TASP1: variants seen among roughly 807,000 people sequenced by gnomAD.
The protein encoded by TASP1 is threonine aspartase 1.
TASP1 carries 16 observed loss-of-function variants against 56.6 expected under a neutral mutation model. That is an observed-to-expected ratio of 0.28 (90% confidence interval 0.19 to 0.43). The LOEUF (loss-of-function observed/expected upper bound fraction) is 0.43, where lower values mean the gene tolerates loss of function less well. Ranked by LOEUF, TASP1 falls within the 20% of genes least tolerant of loss-of-function variation. The pLI is 1.00. For missense variants in TASP1, 393 were observed against 511.6 expected (o/e 0.77, Z 2.24); for synonymous variants, 179 against 184.2 (o/e 0.97, Z 0.23).
At chr20:13,316,220 A>G in the TASP1 span, among the ~76,000 whole-genome samples, 20 of 151,990 alleles carry the variant, frequency 1.3e-4, no homozygotes, top group African/African-American at 4.8e-4. Flanking sequence ...CTGGAAAAAC[A>G]CAATCTGCCA....
At chr20:13,558,728 A>C (rs1340333876) in intron 8 of TASP1, among the ~76,000 whole-genome samples, 1 of 152,116 alleles carries the variant, frequency 6.6e-6, no homozygotes, top group Non-Finnish European at 1.5e-5. Context: ...ATAGCTCATT[A>C]ATAATTTTTC....
chr20:13,472,767 A>T (rs1012575041), intron 11 of TASP1, among the ~76,000 whole-genome samples: 2 of 151,242 alleles, frequency 1.3e-5, no homozygotes, highest in African/African-American at 4.9e-5. Flanking sequence ...GAGAAATACA[A>T]ATCAAAACCA....
chr20:13,452,459 G>A (rs1443530089), intron 11 of TASP1, among the ~76,000 whole-genome samples: 1 of 146,952 alleles, frequency 6.8e-6, no homozygotes, highest in African/African-American at 2.5e-5. Flanking sequence ...CTGTTGGCCA[G>A]ACACAATTTA....
intron 10 of TASP1, among the ~76,000 whole-genome samples, chr20:13,508,124 C>T (rs190817153): frequency 1.7e-3 from 254 of 150,572 alleles, no homozygotes; most frequent in Non-Finnish European, 2.8e-3. Flanking sequence ...AAGAGTAAAA[C>T]TAAAGGAGTA....
chr20:13,220,321 A>C, the TASP1 span, among the ~76,000 whole-genome samples: 1 of 152,194 alleles, frequency 6.6e-6, no homozygotes, highest in African/African-American at 2.4e-5. Context: ...CTAGCATCTG[A>C]CGCTCGGACT....
At chr20:13,523,901 C>T (rs540069103) in intron 10 of TASP1, among the ~76,000 whole-genome samples, 1 of 152,126 alleles carries the variant, frequency 6.6e-6, no homozygotes, top group Non-Finnish European at 1.5e-5. Context: ...CTGTTTCCAG[C>T]ACTTTTTGAG....
At chr20:13,627,733 T>TAAAAAAAA (rs35542097) in intron 2 of TASP1, among the ~76,000 whole-genome samples, 5 of 119,516 alleles carry the variant, frequency 4.2e-5, no homozygotes, top group African/African-American at 1.2e-4. Context: ...AACTTAGTCT[T>TAAAAAAAA]AAAAAAAAAA....
At chr20:13,398,110 C>T (rs1346335657) in intron 13 of TASP1, among the ~76,000 whole-genome samples, 1 of 152,144 alleles carries the variant, frequency 6.6e-6, no homozygotes, top group African/African-American at 2.4e-5. Context: ...AACACTTAAA[C>T]TATCATTAAG....
chr20:13,381,812 CTTT>C, the TASP1 span, among the ~76,000 whole-genome samples: 2 of 152,300 alleles, frequency 1.3e-5, no homozygotes, highest in African/African-American at 4.8e-5. Flanking sequence ...CTCTGGTCTT[CTTT>C]GTTTGCCCAT....
chr20:13,335,347 C>T, the TASP1 span, among the ~76,000 whole-genome samples: 4 of 151,822 alleles, frequency 2.6e-5, no homozygotes, highest in Non-Finnish European at 4.4e-5. Context: ...CACACACACA[C>T]ACACACACAC....
chr20:13,513,256 T>C (rs1451696521), intron 10 of TASP1, among the ~76,000 whole-genome samples: 3 of 152,180 alleles, frequency 2.0e-5, no homozygotes, highest in African/African-American at 4.8e-5. Context: ...GTACCTACTA[T>C]ATCTTTAAGC....
the TASP1 span, chr20:13,117,464 G>A: frequency 1.3e-6 from 2 of 1,518,586 alleles, no homozygotes; most frequent in African/African-American, 1.4e-5. Flanking sequence ...AGCTTCCCAG[G>A]AGGGTATTTG....
At chr20:13,490,269 C>T (rs1020658930) in intron 10 of TASP1, among the ~76,000 whole-genome samples, 71 of 152,130 alleles carry the variant, frequency 4.7e-4, no homozygotes, top group African/African-American at 1.5e-3. Flanking sequence ...TACTTTAATA[C>T]TTCATATTGT....
the TASP1 span, among the ~76,000 whole-genome samples, chr20:13,146,207 T>C: frequency 6.6e-6 from 1 of 152,082 alleles, no homozygotes; most frequent in African/African-American, 2.4e-5. Flanking sequence ...TTCTTACTTA[T>C]AGGTGGGAGG....
the TASP1 span, among the ~76,000 whole-genome samples, chr20:13,342,265 C>T: frequency 6.6e-6 from 1 of 152,172 alleles, no homozygotes; most frequent in Non-Finnish European, 1.5e-5. Context: ...GGGCGCATAT[C>T]GCAGGCCTGG....
intron 2 of TASP1, among the ~76,000 whole-genome samples, chr20:13,627,733 TAAA>T (rs35542097): frequency 3.3e-5 from 4 of 119,516 alleles, no homozygotes; most frequent in Admixed American, 8.1e-5. Context: ...AACTTAGTCT[TAAA>T]AAAAAAAAAA....
the TASP1 span, among the ~76,000 whole-genome samples, chr20:13,362,681 C>T: frequency 6.6e-6 from 1 of 151,456 alleles, no homozygotes; most frequent in Admixed American, 6.6e-5. Context: ...TTCACATGGA[C>T]GCGCATGAAA....
the TASP1 span, among the ~76,000 whole-genome samples, chr20:13,197,090 G>T: frequency 6.6e-6 from 1 of 152,206 alleles, no homozygotes; most frequent in African/African-American, 2.4e-5. Flanking sequence ...TCATTTGAGT[G>T]TCACCAGGTT....
At chr20:13,455,527 G>A (rs779326095) in intron 11 of TASP1, among the ~76,000 whole-genome samples, 12 of 152,202 alleles carry the variant, frequency 7.9e-5, no homozygotes, top group Non-Finnish European at 1.6e-4. Flanking sequence ...GGTTGGGTGG[G>A]AGAATGGTGG....
Sources: allele counts gnomAD v4.1 joint callset (sites outside exome capture counted in the v4.1 genomes callset), GRCh38; gene constraint gnomAD v4.1.1; transcripts MANE v1.5; gene names NCBI Gene and HGNC (gene_info 2026-07-23, HGNC 2026-07-21).